Variants in TSGA10IP observed in about 807,000 individuals in gnomAD.
TSGA10IP encodes testis-specific protein 10-interacting protein.
Under a neutral mutation model 63.2 loss-of-function variants are expected in TSGA10IP, and 64 were observed. The observed-to-expected ratio is 1.01, with a 90% CI of 0.83 to 1.25. TSGA10IP has a LOEUF of 1.25. Ranked by LOEUF, TSGA10IP falls within the 50% of genes most tolerant of loss-of-function variation. The probability of loss-of-function intolerance (pLI) is 0.00; values close to 1 mark genes in which losing one functional copy is unlikely to be tolerated. For missense variants in TSGA10IP, 681 were observed against 710.1 expected, an observed-to-expected ratio of 0.96 and a Z score of 0.47; for synonymous variants, 316 against 298.3, an observed-to-expected ratio of 1.06 and a Z score of -0.61.
chr11:65,954,971 A>G (rs1282271739), intron 5 of TSGA10IP, among the ~76,000 whole-genome samples: 1 of 152,244 alleles, frequency 6.6e-6, no homozygotes, highest in East Asian at 1.9e-4. Context: ...TGGTGGGCGC[A>G]TGCGCTCAGC....
Position 65,959,801 on chromosome 11 carries a change from T to C in TSGA10IP, c.1548-16T>C, listed in dbSNP as rs765100178. 3.9e-6 allele frequency: 6 copies of C among 1,548,452 alleles called. No homozygotes were observed. In the East Asian group the frequency reaches 1.5e-4, roughly 38 times the overall value. On this transcript the variant is annotated splice_polypyrimidine_tract_variant and intron_variant, in intron 7 of 7. Coordinates refer to ENST00000532620, the Ensembl canonical transcript of TSGA10IP. ...TGGGAGCTGCAGAGTCAGGGGCCTC[T>C]ATCTGTGTCTTGAAGGAGCCACAGG...
chr11:65,959,216 G>C (rs759961519), exon 7 of TSGA10IP: 1 of 1,606,736 alleles, frequency 6.2e-7, no homozygotes, highest in Admixed American at 1.7e-5. Flanking sequence ...CCGTCACTCG[G>C]CGCTTCTCCC....
At chr11:65,955,101 C>T (rs535796765) in intron 5 of TSGA10IP, among the ~76,000 whole-genome samples, 6 of 152,230 alleles carry the variant, frequency 3.9e-5, no homozygotes, top group African/African-American at 4.8e-5. Flanking sequence ...TTGAGCCTAG[C>T]TGTGTATGCG....
chr11:65,949,360 G>A (rs1048177716), intron 4 of TSGA10IP, among the ~76,000 whole-genome samples: 5 of 152,062 alleles, frequency 3.3e-5, no homozygotes, highest in African/African-American at 1.2e-4. Flanking sequence ...ATGGTGACTG[G>A]TGACAGGAGG....
At position 65,953,651 on chromosome 11, in the gene TSGA10IP, GC is replaced by G; in HGVS notation, c.1237del (p.Arg413GlyfsTer28). 1.3e-6 allele frequency: 2 copies of G among 1,590,570 alleles called. No individual in the cohort carries two copies. Among genetic ancestry groups the G allele is most frequent in the South Asian group, 2.2e-5 (2 of 89,798 alleles). On this transcript the variant is annotated frameshift_variant, in exon 5 of 8. Transcript: ENST00000532620. LOFTEE classifies it high-confidence loss of function. Reference sequence around the variant, plus strand: ...GGCGGGCCCGGACACAGCATGTACAGCGGCAGGTGGCCCACTGCCTGGCAGC... The same window carrying G: ...GGCGGGCCCGGACACAGCATGTACAGGGCAGGTGGCCCACTGCCTGGCAGC...
At chr11:65,959,112 A>G (rs1855074271) in intron 6 of TSGA10IP, 78 bp from the exon 7 acceptor site, 1 of 1,570,506 alleles carries the variant, frequency 6.4e-7, no homozygotes, top group East Asian at 2.3e-5. Context: ...AATCCCTGGG[A>G]CCCCCTCAGT....
chr11:65,946,425 G>GTT (rs200216342), intron 1 of TSGA10IP, among the ~76,000 whole-genome samples: 3 of 151,914 alleles, frequency 2.0e-5, no homozygotes, highest in African/African-American at 7.2e-5. Context: ...GCTCGGTCGG[G>GTT]TTTTTTTGTT....
rs1469739842 is a variant in TSGA10IP, at chr11:65,959,240, A to C, written c.1473A>C (p.Ala491=). ...GGCGCTTCTCCCAGGTGCTGTCAGC[A>C]CTGGGGCTGGATGAGGAGCAGCTGC... Residue 491 remains alanine, a synonymous_variant, in exon 7 of 8, where the codon GCA becomes GCC. Coordinates refer to ENST00000532620, the Ensembl canonical transcript of TSGA10IP. 2.5e-6 allele frequency: 4 copies of C among 1,609,480 alleles called. No homozygotes were observed. In the South Asian group the frequency reaches 4.4e-5, roughly 18 times the overall value.
At chr11:65,952,308 C>G (rs1316185252) in intron 4 of TSGA10IP, among the ~76,000 whole-genome samples, 1 of 152,160 alleles carries the variant, frequency 6.6e-6, no homozygotes, top group East Asian at 1.9e-4. Flanking sequence ...TGTGCAGAAG[C>G]TTTTCAGTTT....
intron 4 of TSGA10IP, among the ~76,000 whole-genome samples, chr11:65,951,518 T>TTTA (rs4013981): frequency 0.051 from 7,101 of 139,030 alleles, 184 homozygotes; most frequent in Non-Finnish European, 0.055. Flanking sequence ...ATTTGCTTAT[T>TTTA]TTATTATTAT....
chr11:65,947,412 G>C (rs1395906677), exon 3 of TSGA10IP: 1 of 1,613,536 alleles, frequency 6.2e-7, no homozygotes, highest in South Asian at 1.1e-5. Flanking sequence ...GAGCCCCCCA[G>C]TGGTCTCCAG....
In TSGA10IP at chr11:65,945,799, T is replaced by G. The variant is rs1555054828; in HGVS notation, c.124T>G (p.Ser42Ala). The G allele has an allele frequency of 3.1e-6, 5 of 1,613,930 alleles. No homozygotes were observed. In the Admixed American group the frequency reaches 8.3e-5, roughly 27 times the overall value. ...CAGAACGGGGCTGCTCAAGCTGCTG[T>G]CGACCGTCTCTCAGGACAAGCAGGT... The change falls in exon 1 of 8, where the codon TCG (serine) becomes GCG (alanine). Residue 42 changes from serine to alanine, a missense_variant. By Grantham distance (99) the Ser-to-Ala change is moderately conservative. Transcript: ENST00000532620.
chr11:65,953,697 C>T (rs759231080), exon 5 of TSGA10IP: 9 of 1,577,576 alleles, frequency 5.7e-6, no homozygotes, highest in East Asian at 2.4e-5. Flanking sequence ...CAGAGGGAGC[C>T]GGGGCCCTGG....
At chr11:65,947,668 A>G (rs1854864737) in exon 3 of TSGA10IP, 2 of 1,609,260 alleles carry the variant, frequency 1.2e-6, no homozygotes, top group East Asian at 4.5e-5. Flanking sequence ...CTGGAGAGGA[A>G]GCCTCCGATG....
At chr11:65,953,851 GC>G (rs1854985000) in intron 5 of TSGA10IP, 114 bp downstream of exon 5, 13 of 873,770 alleles carry the variant, frequency 1.5e-5, no homozygotes, top group Non-Finnish European at 2.1e-5. Flanking sequence ...GGCTAACCAG[GC>G]CACTTCACCG....
In TSGA10IP at chr11:65,959,002, A is replaced by G; in HGVS notation, c.1422+20A>G. ...ATGCAGGTGAGGCTGGCACCTGGGC[A>G]AGCACATAGCTGCCCCCTGTGAAGA... On this transcript the variant is annotated intron_variant, in intron 6 of 7. Coordinates refer to ENST00000532620, the Ensembl canonical transcript of TSGA10IP. The G allele has an allele frequency of 1.2e-6, 2 of 1,611,462 alleles. No homozygotes were observed. The highest frequency in any genetic ancestry group is 1.7e-6 in the Non-Finnish European group (2 of 1,178,962).
rs1855072043 is a variant in TSGA10IP at position 65,958,983 on chromosome 11, G to C, written c.1422+1G>C. On this transcript the variant is annotated splice_donor_variant, in intron 6 of 7. Transcript: ENST00000532620. LOFTEE classifies it high-confidence loss of function. ...CTTCCTGTTCCAGCAGGCTATGCAG[G>C]TGAGGCTGGCACCTGGGCAAGCACA... 1 of 1,612,836 alleles carries C rather than the reference G, an allele frequency of 6.2e-7. No individual in the cohort carries two copies. The highest frequency in any genetic ancestry group is 1.3e-5 in the African/African-American group (1 of 74,926).
chr11:65,953,430 C>A, intron 4 of TSGA10IP, 137 bp from the exon 5 acceptor site: 7 of 1,221,798 alleles, frequency 5.7e-6, no homozygotes, highest in Non-Finnish European at 7.5e-6. Context: ...CCATGACAAA[C>A]CCTACTCCCA....
chr11:65,945,560 C>G, exon 1 of TSGA10IP: 1 of 1,196,512 alleles, frequency 8.4e-7, no homozygotes, highest in Non-Finnish European at 1.2e-6. Context: ...CTCACATACC[C>G]CACTGACCCC....
Sources: allele counts gnomAD v4.1 joint callset (sites outside exome capture counted in the v4.1 genomes callset), GRCh38; gene constraint gnomAD v4.1.1; transcripts MANE v1.5; gene names NCBI Gene and HGNC (gene_info 2026-07-23, HGNC 2026-07-21).